Variants in MAP3K20 observed in about 807,000 individuals in gnomAD.
MAP3K20 encodes the protein HCCS-4.
Under a neutral mutation model 85.7 loss-of-function variants are expected in MAP3K20, and 40 were observed. The observed-to-expected ratio is 0.47, with a 90% CI of 0.36 to 0.61. The LOEUF (loss-of-function observed/expected upper bound fraction) is 0.61. MAP3K20 is among the 20% of genes least tolerant of loss of function. The pLI is 0.00. For missense variants in MAP3K20, 817 were observed against 961.7 expected (o/e 0.85, Z 1.99); for synonymous variants, 325 against 327.7 (o/e 0.99, Z 0.09).
chr2:173,155,445 C>A (rs1051715271), intron 2 of MAP3K20, among the ~76,000 whole-genome samples: 1 of 152,102 alleles, frequency 6.6e-6, no homozygotes, highest in Non-Finnish European at 1.5e-5. Context: ...CTGTCCTTAG[C>A]GCCAAAAAAT....
At chr2:173,124,616 G>A (rs1688390499) in intron 2 of MAP3K20, among the ~76,000 whole-genome samples, 1 of 152,186 alleles carries the variant, frequency 6.6e-6, no homozygotes, top group Non-Finnish European at 1.5e-5. Context: ...TGGTGAGCAG[G>A]AAACTGCCCA....
chr2:173,223,562 T>C (rs146015600), intron 11 of MAP3K20: 1 of 985,312 alleles, frequency 1.0e-6, no homozygotes, highest in African/African-American at 1.7e-5. Context: ...TAAAAGTGGA[T>C]AGCTTTCAGG....
rs191853944 is a variant in MAP3K20 at position 173,097,386 on chromosome 2, A to G, written c.159+6196A>G. 9.9e-3 allele frequency among the ~76,000 whole-genome samples: 1,506 copies of G among 152,150 alleles called. 37 individuals carry two copies. The highest frequency in any genetic ancestry group is 0.064 in the Admixed American group (974 of 15,272). On this transcript the variant is annotated intron_variant, in intron 2 of 19. Coordinates refer to ENST00000375213, the MANE Select transcript of MAP3K20 (RefSeq NM_016653.3). The stretch of plus-strand genomic sequence containing the variant: ...CAATACAAAAACAAAAACAAAACAC[A>G]ATTAATCACAGCAACTTATTTGTAC...
At chr2:173,169,265 AGGT>A (rs1345082045) in intron 2 of MAP3K20, among the ~76,000 whole-genome samples, 1 of 152,208 alleles carries the variant, frequency 6.6e-6, no homozygotes, top group Non-Finnish European at 1.5e-5. Context: ...ATTATCAGTC[AGGT>A]GGGCTTGCTA....
At chr2:173,122,254 G>T (rs1361377731) in intron 2 of MAP3K20, among the ~76,000 whole-genome samples, 1 of 152,234 alleles carries the variant, frequency 6.6e-6, no homozygotes, top group Non-Finnish European at 1.5e-5. Flanking sequence ...TTCTTTGGGG[G>T]TCACCCCTAA....
At chr2:173,239,733 G>C (rs1446652598) in intron 16 of MAP3K20, among the ~76,000 whole-genome samples, 1 of 152,108 alleles carries the variant, frequency 6.6e-6, no homozygotes, top group Admixed American at 6.5e-5. Flanking sequence ...CAAACATCAG[G>C]GTAACTCACA....
intron 16 of MAP3K20, among the ~76,000 whole-genome samples, chr2:173,248,620 G>A (rs1684975446): frequency 6.6e-6 from 1 of 152,176 alleles, no homozygotes; most frequent in South Asian, 2.1e-4. Context: ...TGAATGGATT[G>A]ACAGTCCTGC....
chr2:173,090,473 T>G, intron 1 of MAP3K20: 9 of 133,556 alleles, frequency 6.7e-5, no homozygotes, highest in Non-Finnish European at 7.5e-5. Context: ...TGAAAGTTTG[T>G]TTTTGGAGTC....
intron 7 of MAP3K20, among the ~76,000 whole-genome samples, chr2:173,193,748 TTTCAC>T (rs1288016514): frequency 5.3e-5 from 8 of 152,224 alleles, no homozygotes; most frequent in African/African-American, 1.9e-4. Context: ...TTAAAAATCT[TTTCAC>T]TTAAGAAACT....
In MAP3K20 at chr2:173,209,699, G is replaced by A. The variant is rs200127848; in HGVS notation, c.745-30G>A. On this transcript the variant is annotated intron_variant, in intron 9 of 19. Transcript: ENST00000375213. ...TAAATATCTCCTTTCTTAAGTCCCA[G>A]CGAATGATTACTTATTTTCTCTTCT... The A allele has an allele frequency of 2.5e-4, 386 of 1,573,188 alleles. 6 individuals are homozygous for A. In the Middle Eastern group the frequency reaches 9.7e-3, roughly 40 times the overall value.
chr2:173,257,177 T>C (rs77820005), intron 16 of MAP3K20, among the ~76,000 whole-genome samples: 15,759 of 152,068 alleles, frequency 0.1, 1,384 homozygotes, highest in African/African-American at 0.24. Flanking sequence ...AAAATTGTTT[T>C]AATAATCACT....
chr2:173,252,969 T>A (rs1685073566), intron 16 of MAP3K20, among the ~76,000 whole-genome samples: 2 of 152,246 alleles, frequency 1.3e-5, no homozygotes, highest in African/African-American at 4.8e-5. Flanking sequence ...CTTCTTTGCT[T>A]CATTTCATGA....
At chr2:173,255,148 TG>T (rs1685129250) in intron 16 of MAP3K20, among the ~76,000 whole-genome samples, 1 of 152,218 alleles carries the variant, frequency 6.6e-6, no homozygotes, top group African/African-American at 2.4e-5. Flanking sequence ...CCCTATTATT[TG>T]TATCAGTGTT....
At chr2:173,110,227 ATATATATATATATATTTTTTTTTTTTT>A (rs1574021864) in intron 2 of MAP3K20, among the ~76,000 whole-genome samples, 2 of 9,226 alleles carry the variant, frequency 2.2e-4, no homozygotes, top group Non-Finnish European at 4.4e-4. Context: ...ATATATATAT[ATATATATATATATATTTTTTTTTTTTT>A]TTTTTTTTTT....
intron 2 of MAP3K20, among the ~76,000 whole-genome samples, chr2:173,169,324 A>G (rs16861293): frequency 0.018 from 2,666 of 152,210 alleles, 72 homozygotes; most frequent in African/African-American, 0.059. Context: ...TTCTTTTTAA[A>G]TTTTCAGAAA....
At chr2:173,081,697 A>G (rs1687018983) in intron 1 of MAP3K20, among the ~76,000 whole-genome samples, 1 of 152,198 alleles carries the variant, frequency 6.6e-6, no homozygotes, top group Non-Finnish European at 1.5e-5. Flanking sequence ...GGGAGGAGAA[A>G]TTGAAGAAGA....
Position 173,118,196 on chromosome 2 carries a change from A to G in MAP3K20, c.159+27006A>G, listed in dbSNP as rs913035036. Among the ~76,000 whole-genome samples, 4 of 152,156 alleles carry G rather than the reference A, an allele frequency of 2.6e-5. No homozygotes were observed. The East Asian group carries it at 7.7e-4, about 29-fold the overall frequency. ...AATTCCATTTTCCTCCAATCACGTT[A>G]GGTTATTTTCTTAGTTTGTTGTATT... On this transcript the variant is annotated intron_variant, in intron 2 of 19. Transcript: ENST00000375213.
At chr2:173,155,574 A>G (rs1045383371) in intron 2 of MAP3K20, among the ~76,000 whole-genome samples, 2 of 152,222 alleles carry the variant, frequency 1.3e-5, no homozygotes, top group Admixed American at 1.3e-4. Context: ...TTAGCTTTCA[A>G]TAAATGTACA....
At chr2:173,221,312 G>C in intron 11 of MAP3K20, 1 of 1,613,960 alleles carries the variant, frequency 6.2e-7, no homozygotes, top group Non-Finnish European at 8.5e-7. Flanking sequence ...GATGGGCTTT[G>C]GGGATATCTT....
Sources: gnomAD v4.1 joint callset for allele counts (sites outside exome capture counted in the v4.1 genomes callset) on GRCh38, gnomAD v4.1.1 for gene constraint, MANE v1.5 for transcripts, NCBI Gene and HGNC (gene_info 2026-07-23, HGNC 2026-07-21) for gene names.